The following ZNF787 variants were observed in gnomAD, a reference collection of about 807,000 sequenced individuals.
The protein encoded by ZNF787 is zinc finger protein 787.
A neutral mutation model predicts 16.9 loss-of-function variants in ZNF787; 7 were observed. The ratio of observed to expected loss-of-function variants is 0.42; its 90% confidence interval spans 0.24 to 0.78. ZNF787 has a LOEUF of 0.78. ZNF787 is among the 30% of genes least tolerant of loss of function. The pLI, the probability that ZNF787 is intolerant of heterozygous loss-of-function variation, is 0.30. For synonymous variants in ZNF787, 345 were observed against 270.9 expected (o/e 1.27, Z -2.69); for missense variants, 551 against 589.3 (o/e 0.94, Z 0.67).
At chr19:56,092,180 CTCAT>C (rs762450232) in intron 2 of ZNF787, among the ~76,000 whole-genome samples, 30 of 152,162 alleles carry the variant, frequency 2.0e-4, no homozygotes, top group Non-Finnish European at 3.1e-4. Context: ...CACAAGAGTT[CTCAT>C]TCAATTAAAA....
chr19:56,114,880 T>C (rs1332314964), intron 1 of ZNF787, among the ~76,000 whole-genome samples: 2 of 152,090 alleles, frequency 1.3e-5, no homozygotes, highest in Non-Finnish European at 2.9e-5. Flanking sequence ...CTTCCCGCTC[T>C]GCTCCCAGCT....
intron 2 of ZNF787, among the ~76,000 whole-genome samples, chr19:56,100,065 T>C (rs541681870): frequency 8.2e-4 from 125 of 152,114 alleles, no homozygotes; most frequent in Non-Finnish European, 1.3e-3. Context: ...GAAGCGACCA[T>C]ACTCGGGATG....
rs536169123 is a variant in ZNF787 at position 56,087,841 on chromosome 19, G to T, written c.*182C>A. The T allele has an allele frequency of 3.7e-4, 359 of 983,020 alleles. 1 individual carries two copies. In the African/African-American group the frequency reaches 5.7e-3, roughly 16 times the overall value. The allele number at this position is 983,020 out of a possible 1,614,324, so 60.9% of individuals were successfully genotyped here. On this transcript the variant is annotated 3_prime_UTR_variant, in exon 3 of 3. Transcript: ENST00000610935. ...AGAGTCTCGAGGCGGAGAAGTGAAC[G>T]GGCCCTAATACGCCCCAGTGCCCCC...
chr19:56,088,116 C>G lies in ZNF787; in HGVS notation c.1056G>C (p.Gln352His), dbSNP rs1391789884. ...GAPSVCSSCG[Q>H]SYYRAGGEEE... ...CCTCCCCGCCCGCGCGGTAGTAGCT[C>G]TGTCCGCAGCTGCTGCAGACCGAGG... The change falls in exon 3 of 3, where the codon CAG (glutamine) becomes CAC (histidine). Residue 352 changes from glutamine to histidine, a missense_variant. Gln to His is a conservative substitution (Grantham distance 24). Around this residue, in one of 4 missense-constraint regions of ZNF787, gnomAD observed 392 missense variants for 312.7 expected, o/e 1.25. Transcript: ENST00000610935. This position sits in a 1 kb window ranked among gnomAD's most constrained non-coding sequence, Gnocchi z 8.6. The G allele has an allele frequency of 2.6e-6, 4 of 1,541,674 alleles. 1 individual carries two copies. In the South Asian group the frequency reaches 3.5e-5, roughly 14 times the overall value.
chr19:56,116,784 T>C (rs1439333425), intron 1 of ZNF787, among the ~76,000 whole-genome samples: 3 of 152,086 alleles, frequency 2.0e-5, no homozygotes. Flanking sequence ...AGTATACATC[T>C]GCTTAGCCCA....
chr19:56,100,490 T>C (rs1471552075), intron 2 of ZNF787, among the ~76,000 whole-genome samples: 2 of 152,136 alleles, frequency 1.3e-5, no homozygotes, highest in African/African-American at 4.8e-5. Context: ...CTGCGAGCCC[T>C]GCTGGTTCCC....
intron 2 of ZNF787, among the ~76,000 whole-genome samples, chr19:56,090,411 G>A (rs773618302): frequency 2.6e-5 from 4 of 151,770 alleles, no homozygotes; most frequent in Admixed American, 6.6e-5. Context: ...CACTAACTGC[G>A]GCCGCCCACC....
chr19:56,104,512 A>C (rs1986227098), intron 1 of ZNF787, among the ~76,000 whole-genome samples: 1 of 150,562 alleles, frequency 6.6e-6, no homozygotes, highest in Non-Finnish European at 1.5e-5. Context: ...ACGCACAGTG[A>C]GGGTCTCTAC....
Position 56,088,618 on chromosome 19 carries a change from C to T in ZNF787, c.554G>A (p.Arg185His). The part of the protein sequence containing the change: ...LKPFVCPRCG[R>H]GFSQPKSLAR... Reference sequence around the variant, plus strand: ...GAGGCTCTTGGGCTGGCTGAAGCCGCGGCCGCAGCGCGGGCACACGAAGGG... The same window carrying T: ...GAGGCTCTTGGGCTGGCTGAAGCCGTGGCCGCAGCGCGGGCACACGAAGGG... Residue 185 changes from arginine (R) to histidine (H), a missense_variant, in exon 3 of 3, where the codon CGC becomes CAC. By Grantham distance (29) the Arg-to-His change is conservative. Around this residue, in one of 4 missense-constraint regions of ZNF787, gnomAD observed 40 missense variants for 60.7 expected, o/e 0.66. Coordinates refer to ENST00000610935, the MANE Select transcript of ZNF787 (RefSeq NM_001002836.4). The surrounding 1 kb of genome is among the most constrained non-coding windows in gnomAD (Gnocchi z 8.6). 1.3e-6 allele frequency: 2 copies of T among 1,523,038 alleles called. No individual in the cohort carries two copies. Among genetic ancestry groups the T allele is most frequent in the Non-Finnish European group, 1.8e-6 (2 of 1,142,618 alleles). The allele number at this position is 1,523,038 out of a possible 1,614,324, so 94.3% of individuals were successfully genotyped here.
intron 2 of ZNF787, 128 bp downstream of exon 2, chr19:56,103,011 G>C (rs369766705): frequency 8.1e-6 from 8 of 988,956 alleles, no homozygotes; most frequent in East Asian, 2.5e-5. Context: ...GGGAGGCCAG[G>C]GTCGGGTGGT....
chr19:56,114,330 GGGCCGGGCTCAGTCCTCCACTTGCCCC>G (rs1391607675), intron 1 of ZNF787, among the ~76,000 whole-genome samples: 3 of 151,748 alleles, frequency 2.0e-5, no homozygotes, highest in African/African-American at 4.8e-5. Flanking sequence ...TCTCTCTGAG[GGGCCGGGCTCAGTCCTCCACTTGCCCC>G]GGCCAGGCCT....
chr19:56,107,808 T>TCGAAGGCCGGGCA (rs1190083751), intron 1 of ZNF787, among the ~76,000 whole-genome samples: 8 of 149,360 alleles, frequency 5.4e-5, no homozygotes, highest in African/African-American at 7.5e-5. Flanking sequence ...AGGCAGCAGC[T>TCGAAGGCCGGGCA]TGAAGGCCGG....
intron 2 of ZNF787, among the ~76,000 whole-genome samples, chr19:56,100,484 G>C (rs564817108): frequency 1.3e-5 from 2 of 152,130 alleles, no homozygotes; most frequent in Non-Finnish European, 1.5e-5. Context: ...GGTGGGCTGC[G>C]AGCCCTGCTG....
intron 1 of ZNF787, among the ~76,000 whole-genome samples, chr19:56,106,840 A>ACGGCGGCATCCAGCACCTCATTC (rs1568531772): frequency 2.2e-4 from 33 of 152,358 alleles, no homozygotes; most frequent in African/African-American, 7.0e-4. Flanking sequence ...AGCACGCGGA[A>ACGGCGGCATCCAGCACCTCATTC]CAGTGGGGCT....
chr19:56,092,012 C>T (rs910171885), intron 2 of ZNF787, among the ~76,000 whole-genome samples: 1 of 88,530 alleles, frequency 1.1e-5, no homozygotes, highest in Admixed American at 1.1e-4. Flanking sequence ...AAGCCAAAGC[C>T]GAAACCGAAG....
At chr19:56,097,892 G>A (rs377758168) in intron 2 of ZNF787, among the ~76,000 whole-genome samples, 1 of 152,148 alleles carries the variant, frequency 6.6e-6, no homozygotes, top group African/African-American at 2.4e-5. Flanking sequence ...GTAAGAGATG[G>A]GGTGGGGAGG....
Position 56,088,018 on chromosome 19 carries a change from C to CT in ZNF787, c.*4dup. On this transcript the variant is annotated 3_prime_UTR_variant, in exon 3 of 3. Coordinates refer to ENST00000610935, the MANE Select transcript of ZNF787 (RefSeq NM_001002836.4). The surrounding 1 kb of genome is among the most constrained non-coding windows in gnomAD (Gnocchi z 8.6). ...CCTGCCCGCCCCCCCCCCCGGGCCCCTCCCCTACCGGCCCTCCCCACCGCG... is the reference window on the plus strand; with the variant it reads ...CCTGCCCGCCCCCCCCCCCGGGCCCCTTCCCCTACCGGCCCTCCCCACCGCG... 2 of 1,217,344 alleles carry CT rather than the reference C, an allele frequency of 1.6e-6. No individual in the cohort carries two copies. Among genetic ancestry groups the CT allele is most frequent in the Non-Finnish European group, 2.1e-6 (2 of 975,348 alleles). The allele number at this position is 1,217,344 out of a possible 1,614,324, so 75.4% of individuals were successfully genotyped here.
Position 56,092,022 on chromosome 19 carries a change from G to A in ZNF787, c.80-2930C>T, listed in dbSNP as rs62122410. Among the ~76,000 whole-genome samples, 573 of 22,988 alleles carry A rather than the reference G, an allele frequency of 0.025. 1 individual carries two copies. In the Middle Eastern group the frequency reaches 0.27, roughly 11 times the overall value. The allele number at this position is 22,988 out of a possible 152,430, so 15.1% of individuals were successfully genotyped here. A position where few individuals can be genotyped will look rare whatever the true frequency, so the allele number is the denominator to read the frequency against. On this transcript the variant is annotated intron_variant, in intron 2 of 2. Transcript: ENST00000610935. ...AACGGAAGCCAAAGCCGAAACCGAA[G>A]CCGAAGCCGAAGCCGAAGCCGAAGC... is the stretch of plus-strand genomic sequence containing the variant.
chr19:56,113,975 G>A (rs962578900), intron 1 of ZNF787, among the ~76,000 whole-genome samples: 3 of 152,078 alleles, frequency 2.0e-5, no homozygotes, highest in Non-Finnish European at 2.9e-5. Context: ...GACTACAAGC[G>A]CTGAACTGTG....
Sources: gnomAD v4.1 joint callset for allele counts (sites outside exome capture counted in the v4.1 genomes callset) on GRCh38, gnomAD v4.1.1 for gene constraint, gnomAD v4.1.1 regional missense constraint, Gnocchi (gnomAD v3.1) non-coding constraint, MANE v1.5 for transcripts, NCBI Gene and HGNC (gene_info 2026-07-23, HGNC 2026-07-21) for gene names.